EPHA6: variants seen among roughly 807,000 people sequenced by gnomAD.
EPHA6 encodes ephrin type-A receptor 6.
EPHA6 carries 50 observed loss-of-function variants against 112.0 expected under a neutral mutation model. The ratio of observed to expected loss-of-function variants is 0.45; its 90% CI spans 0.36 to 0.56. The LOEUF (loss-of-function observed/expected upper bound fraction) is 0.56, where lower values mean the gene tolerates loss of function less well. Among genes scored for constraint, EPHA6 ranks in the 20% least tolerant of loss-of-function variants. The probability of loss-of-function intolerance (pLI) is 0.00; values close to 1 mark genes in which losing one functional copy is unlikely to be tolerated. For synonymous variants in EPHA6, 529 were observed against 490.7 expected (o/e 1.08, Z -1.03); for missense variants, 1,280 against 1,417.4 (o/e 0.90, Z 1.56).
At chr3:97,486,910 T>C (rs2091712743) in intron 10 of EPHA6, among the ~76,000 whole-genome samples, 1 of 152,244 alleles carries the variant, frequency 6.6e-6, no homozygotes, top group Non-Finnish European at 1.5e-5. Flanking sequence ...ATAAATATTT[T>C]CTTACATTGT....
chr3:97,249,758 A>G (rs1332250390), intron 5 of EPHA6, among the ~76,000 whole-genome samples: 3 of 152,206 alleles, frequency 2.0e-5, no homozygotes, highest in African/African-American at 7.2e-5. Flanking sequence ...ATAACAATAA[A>G]TCTCTACCCA....
chr3:97,635,815 A>G (rs1428995408), intron 13 of EPHA6, among the ~76,000 whole-genome samples: 1 of 152,170 alleles, frequency 6.6e-6, no homozygotes, highest in African/African-American at 2.4e-5. Context: ...ATTATATTTC[A>G]ATAAAAGTAT....
intron 14 of EPHA6, among the ~76,000 whole-genome samples, chr3:97,659,120 C>T (rs1045499383): frequency 1.4e-4 from 21 of 151,918 alleles, no homozygotes; most frequent in Non-Finnish European, 1.5e-5. Flanking sequence ...TGCGAAGTTT[C>T]CCAGACTTAA....
chr3:97,358,236 T>C (rs1380799720), intron 5 of EPHA6, among the ~76,000 whole-genome samples: 5 of 152,178 alleles, frequency 3.3e-5, no homozygotes, highest in Non-Finnish European at 5.9e-5. Flanking sequence ...TTTTTCGTGT[T>C]TTTGGTAACT....
chr3:96,980,145 G>C lies in EPHA6; in HGVS notation c.451-7185G>C, dbSNP rs147408693. On this transcript the variant is annotated intron_variant, in intron 2 of 17. Transcript: ENST00000389672. ...CTTGCCCATGCCTATGTCCTGAACG[G>C]TATTACCTAGGTTTTCTTCTAGGGT... Among the ~76,000 whole-genome samples the C allele has an allele frequency of 5.1e-4, 78 of 152,262 alleles. No individual in the cohort carries two copies. In the East Asian group the frequency reaches 0.011, roughly 21 times the overall value.
At chr3:97,409,188 T>G (rs2087551042) in intron 6 of EPHA6, among the ~76,000 whole-genome samples, 2 of 152,058 alleles carry the variant, frequency 1.3e-5, no homozygotes, top group Non-Finnish European at 2.9e-5. Context: ...TATACACATA[T>G]GTCCATCAGC....
intron 3 of EPHA6, among the ~76,000 whole-genome samples, chr3:97,197,734 C>T (rs180982532): frequency 8.5e-5 from 13 of 152,094 alleles, no homozygotes; most frequent in African/African-American, 2.7e-4. Context: ...CCCAGTACAG[C>T]GCCAAGACTT....
intron 1 of EPHA6, 85 bp from the exon 2 acceptor site, chr3:96,866,740 G>T (rs1466795947): frequency 5.5e-6 from 4 of 721,652 alleles, no homozygotes; most frequent in African/African-American, 3.8e-5. Context: ...TGACATTAAT[G>T]ATTTTTATTA....
chr3:97,479,294 A>G lies in EPHA6; in HGVS notation c.2004A>G (p.Arg668=). 6.3e-7 allele frequency: 1 copy of G among 1,582,142 alleles called. No homozygotes were observed. Among genetic ancestry groups the G allele is most frequent in the Middle Eastern group, 1.7e-4 (1 of 5,894 alleles). Residue 668 remains arginine, a splice_region_variant and synonymous_variant, in exon 9 of 18, where the codon AGA becomes AGG. Transcript: ENST00000389672. ...TTTTTTTTTTTAATCTTTTTAAAAG[A>G]TGTCAGTGGTACATAAAAGCCAAGA... The part of the protein sequence containing the change: ...ILTLFFLITG[R]CQWYIKAKMK...
At chr3:97,590,658 A>T (rs1043590737) in intron 11 of EPHA6, among the ~76,000 whole-genome samples, 1 of 152,132 alleles carries the variant, frequency 6.6e-6, no homozygotes, top group African/African-American at 2.4e-5. Context: ...ATATTCTTGA[A>T]CTGAGTTTCC....
chr3:97,547,211 C>G (rs928182072), intron 11 of EPHA6, among the ~76,000 whole-genome samples: 12 of 152,146 alleles, frequency 7.9e-5, no homozygotes, highest in Non-Finnish European at 2.9e-5. Context: ...TACCTTTGGT[C>G]TTTGATGATG....
At chr3:97,220,450 T>C (rs1471908264) in intron 3 of EPHA6, among the ~76,000 whole-genome samples, 1 of 152,188 alleles carries the variant, frequency 6.6e-6, no homozygotes. Context: ...GATTGGGTAA[T>C]TTATAAAGGA....
chr3:97,718,675 CT>C, intron 14 of EPHA6, among the ~76,000 whole-genome samples: 1 of 152,306 alleles, frequency 6.6e-6, no homozygotes, highest in Non-Finnish European at 1.5e-5. Context: ...TCTTAAGCTA[CT>C]GTCACCAACT....
intron 3 of EPHA6, among the ~76,000 whole-genome samples, chr3:97,045,718 A>G (rs2045481472): frequency 6.6e-6 from 1 of 152,098 alleles, no homozygotes; most frequent in African/African-American, 2.4e-5. Context: ...CACAGAGACA[A>G]CATACTTTGT....
At chr3:97,055,308 A>C (rs1483143109) in intron 3 of EPHA6, among the ~76,000 whole-genome samples, 1 of 152,132 alleles carries the variant, frequency 6.6e-6, no homozygotes, top group African/African-American at 2.4e-5. Context: ...AGCCTACCTC[A>C]TTTAAGTCCT....
intron 5 of EPHA6, among the ~76,000 whole-genome samples, chr3:97,283,780 A>G (rs2080372077): frequency 6.6e-6 from 1 of 152,140 alleles, no homozygotes; most frequent in Admixed American, 6.5e-5. Flanking sequence ...AATAATAATA[A>G]TGAAACTTAT....
At chr3:96,919,634 G>A (rs755771560) in intron 2 of EPHA6, among the ~76,000 whole-genome samples, 2 of 151,710 alleles carry the variant, frequency 1.3e-5, no homozygotes, top group Non-Finnish European at 3.0e-5. Flanking sequence ...TGTAGGTATC[G>A]GATACTATTT....
intron 2 of EPHA6, among the ~76,000 whole-genome samples, chr3:96,966,616 G>T (rs1449293295): frequency 6.6e-6 from 1 of 151,930 alleles, no homozygotes; most frequent in African/African-American, 2.4e-5. Context: ...AGTAAATAAG[G>T]TTGTTATGTA....
intron 2 of EPHA6, among the ~76,000 whole-genome samples, chr3:96,892,513 C>A (rs867951151): frequency 1.3e-5 from 2 of 152,082 alleles, no homozygotes; most frequent in African/African-American, 4.8e-5. Context: ...TGAATCACTG[C>A]GCCTGGCCAA....
Sources: gnomAD v4.1 joint callset for allele counts (sites outside exome capture counted in the v4.1 genomes callset) on GRCh38, gnomAD v4.1.1 for gene constraint, MANE v1.5 for transcripts, NCBI Gene and HGNC (gene_info 2026-07-23, HGNC 2026-07-21) for gene names.